Variants in PSMB2 observed in about 807,000 individuals in gnomAD.
The protein encoded by PSMB2 is proteasome subunit beta type-2.
In PSMB2, 13 loss-of-function variants were observed where a neutral mutation model predicts 25.7. That is an observed-to-expected ratio of 0.51 (90% CI 0.33 to 0.80). The LOEUF (loss-of-function observed/expected upper bound fraction) is 0.80. PSMB2 is among the 30% of genes least tolerant of loss of function. The probability of loss-of-function intolerance (pLI) is 0.02; values close to 1 mark genes in which losing one functional copy is unlikely to be tolerated. For missense variants in PSMB2, 202 were observed against 259.0 expected (o/e 0.78, Z 1.51); for synonymous variants, 87 against 96.2 (o/e 0.90, Z 0.56).
intron 1 of PSMB2, among the ~76,000 whole-genome samples, chr1:35,640,983 G>A (rs1450385367): frequency 6.6e-6 from 1 of 152,044 alleles, no homozygotes; most frequent in Non-Finnish European, 1.5e-5. Context: ...CTGAGGTCGG[G>A]AGTTCGAGAC....
chr1:35,616,720 A>G (rs1650499899), intron 3 of PSMB2, among the ~76,000 whole-genome samples: 1 of 152,198 alleles, frequency 6.6e-6, no homozygotes, highest in Non-Finnish European at 1.5e-5. Flanking sequence ...CAATTTCACT[A>G]ATAAATAAAA....
At chr1:35,611,309 C>CT (rs951533259) in intron 3 of PSMB2, among the ~76,000 whole-genome samples, 37 of 152,072 alleles carry the variant, frequency 2.4e-4, no homozygotes, top group African/African-American at 8.9e-4. Flanking sequence ...ACTTGGCAGC[C>CT]TTAAAAAACT....
At chr1:35,624,257 C>T (rs1189144469) in intron 3 of PSMB2, among the ~76,000 whole-genome samples, 1 of 152,098 alleles carries the variant, frequency 6.6e-6, no homozygotes, top group African/African-American at 2.4e-5. Context: ...TGGAACAAAC[C>T]CTAAAAACCA....
chr1:35,612,889 T>A (rs72659630), intron 3 of PSMB2, among the ~76,000 whole-genome samples: 1 of 152,234 alleles, frequency 6.6e-6, no homozygotes, highest in African/African-American at 2.4e-5. Flanking sequence ...TACTATGAGA[T>A]TAAATTGTTT....
chr1:35,611,212 A>G (rs1193521882), intron 3 of PSMB2, among the ~76,000 whole-genome samples: 2 of 152,244 alleles, frequency 1.3e-5, no homozygotes, highest in East Asian at 3.8e-4. Flanking sequence ...ACAGTAAGTG[A>G]GACACCTCAT....
chr1:35,631,344 C>A lies in PSMB2; in HGVS notation c.215G>T (p.Gly72Val). Residue 72 changes from glycine (G) to valine (V), a missense_variant and splice_region_variant, in exon 3 of 6, where the codon GGA (glycine) becomes GTA (valine). Coordinates refer to ENST00000373237, the MANE Select transcript of PSMB2 (RefSeq NM_002794.5). The part of the protein sequence containing the change: ...KNVQLYKMRN[G>V]YELSPTAAAN... ...TGCTGCCGTGGGAGACAATTCATAT[C>A]CTGGTAGAAGAGATAAAGAGTCATA... 6.2e-7 allele frequency: 1 copy of A among 1,614,036 alleles called. No individual in the cohort carries two copies.
intron 2 of PSMB2, among the ~76,000 whole-genome samples, chr1:35,631,725 A>G (rs1276357380): frequency 6.6e-6 from 1 of 152,230 alleles, no homozygotes; most frequent in Non-Finnish European, 1.5e-5. Flanking sequence ...GTTTATTTTA[A>G]AAAGGATATT....
intron 2 of PSMB2, among the ~76,000 whole-genome samples, chr1:35,633,890 T>G (rs1482250943): frequency 1.3e-5 from 2 of 152,270 alleles, no homozygotes; most frequent in Non-Finnish European, 2.9e-5. Flanking sequence ...TTTGGTCATT[T>G]TACACATGCA....
intron 3 of PSMB2, among the ~76,000 whole-genome samples, chr1:35,624,953 C>T (rs1310724080): frequency 1.3e-5 from 2 of 151,518 alleles, no homozygotes; most frequent in Admixed American, 6.6e-5. Flanking sequence ...CCCAGCTATT[C>T]GGGAGGCTGA....
At chr1:35,623,925 T>TA (rs1421277406) in intron 3 of PSMB2, among the ~76,000 whole-genome samples, 1 of 152,212 alleles carries the variant, frequency 6.6e-6, no homozygotes, top group Non-Finnish European at 1.5e-5. Context: ...ACCTCACTGA[T>TA]ACCAATAAAC....
chr1:35,600,314 A>G lies in PSMB2; in HGVS notation c.*2953T>C. Reference sequence around the variant, plus strand: ...CCTAGAACAGAAGAAAATTAGTGGAAAAACTGGTAAAATCTGAATAAAGCC... The same window carrying G: ...CCTAGAACAGAAGAAAATTAGTGGAGAAACTGGTAAAATCTGAATAAAGCC... On this transcript the variant is annotated 3_prime_UTR_variant, in exon 6 of 6. Coordinates refer to ENST00000373237, the MANE Select transcript of PSMB2 (RefSeq NM_002794.5). 1 of 938,762 alleles carries G rather than the reference A, an allele frequency of 1.1e-6. No homozygotes were observed. Among genetic ancestry groups the G allele is most frequent in the Non-Finnish European group, 1.3e-6 (1 of 787,518 alleles). 58.2% of individuals were successfully genotyped at this position (938,762 alleles called of 1,614,324 possible). A position where few individuals can be genotyped will look rare whatever the true frequency, so the allele number is the denominator to read the frequency against.
In PSMB2 at chr1:35,599,839, T is replaced by TA. The variant is rs1216574598; in HGVS notation, c.*3427_*3428insT. The TA allele has an allele frequency of 1.0e-6, 1 of 984,834 alleles. No homozygotes were observed. Among genetic ancestry groups the TA allele is most frequent in the Non-Finnish European group, 1.2e-6 (1 of 829,632 alleles). 61.0% of individuals were successfully genotyped at this position (984,834 alleles called of 1,614,324 possible). ...GAACCAGAGTAATGGGGATGGAGAT[T>TA]TATAAAGATTAGGCTGGGTGCAGTG... On this transcript the variant is annotated 3_prime_UTR_variant, in exon 6 of 6. Transcript: ENST00000373237.
chr1:35,600,934 A>G lies in PSMB2; in HGVS notation c.*2333T>C. 5 of 983,018 alleles carry G rather than the reference A, an allele frequency of 5.1e-6. No individual in the cohort carries two copies. Among genetic ancestry groups the G allele is most frequent in the Non-Finnish European group, 6.0e-6 (5 of 827,808 alleles). The allele number at this position is 983,018 out of a possible 1,614,324, so 60.9% of individuals were successfully genotyped here. A position where few individuals can be genotyped will look rare whatever the true frequency, so the allele number is the denominator to read the frequency against. ...ACCTATATTACTTCATGGAATTCTCATATCTACCACATAGAATAGGTGCTA... is the reference window on the plus strand; with the variant it reads ...ACCTATATTACTTCATGGAATTCTCGTATCTACCACATAGAATAGGTGCTA... On this transcript the variant is annotated 3_prime_UTR_variant, in exon 6 of 6. Transcript: ENST00000373237.
At chr1:35,629,866 G>A (rs1226131670) in intron 3 of PSMB2, among the ~76,000 whole-genome samples, 3 of 151,884 alleles carry the variant, frequency 2.0e-5, no homozygotes, top group Non-Finnish European at 4.4e-5. Context: ...AAGCAATCTC[G>A]AGATAAAAAT....
rs1219944885 is a variant in PSMB2 at position 35,603,004 on chromosome 1, G to C, written c.*263C>G. The C allele has an allele frequency of 8.7e-7, 1 of 1,142,980 alleles. No individual in the cohort carries two copies. Among genetic ancestry groups the C allele is most frequent in the Non-Finnish European group, 1.1e-6 (1 of 928,944 alleles). The allele number at this position is 1,142,980 out of a possible 1,614,324, so 70.8% of individuals were successfully genotyped here. ...CAAGCATGGAGTAGAACGTGGGGCC[G>C]TCAGCTGCTAAAGGGTACTGAGCGT... On this transcript the variant is annotated 3_prime_UTR_variant, in exon 6 of 6. Transcript: ENST00000373237.
chr1:35,616,642 G>A (rs1350817140), intron 3 of PSMB2, among the ~76,000 whole-genome samples: 2 of 152,178 alleles, frequency 1.3e-5, no homozygotes, highest in Non-Finnish European at 2.9e-5. Context: ...AAACTATGTG[G>A]TAGTTCAATA....
chr1:35,624,521 G>A (rs1335881510), intron 3 of PSMB2, among the ~76,000 whole-genome samples: 1 of 152,170 alleles, frequency 6.6e-6, no homozygotes, highest in Admixed American at 6.5e-5. Flanking sequence ...GGGAGGCTGA[G>A]GTGGGCAGAT....
chr1:35,616,805 A>T, intron 3 of PSMB2, among the ~76,000 whole-genome samples: 1 of 152,158 alleles, frequency 6.6e-6, no homozygotes. Flanking sequence ...AAAATTCACT[A>T]GCTATCTTTT....
At chr1:35,640,783 TG>T (rs1370703385) in intron 1 of PSMB2, among the ~76,000 whole-genome samples, 2 of 152,196 alleles carry the variant, frequency 1.3e-5, no homozygotes, top group Non-Finnish European at 2.9e-5. Flanking sequence ...AGCCAGGCTC[TG>T]GGCAGGCGCT....
Sources: allele counts gnomAD v4.1 joint callset (sites outside exome capture counted in the v4.1 genomes callset), GRCh38; gene constraint gnomAD v4.1.1; transcripts MANE v1.5; gene names NCBI Gene and HGNC (gene_info 2026-07-23, HGNC 2026-07-21).